The following PALLD variants were observed in gnomAD, a reference collection of about 807,000 sequenced individuals.
The protein encoded by PALLD is palladin, cytoskeletal associated protein.
PALLD carries 61 observed loss-of-function variants against 123.5 expected under a neutral mutation model. The observed-to-expected ratio is 0.49, with a 90% CI of 0.40 to 0.61. PALLD has a LOEUF of 0.61. Ranked by LOEUF, PALLD falls within the 20% of genes least tolerant of loss-of-function variation. The probability of loss-of-function intolerance (pLI) is 0.00; values close to 1 mark genes in which losing one functional copy is unlikely to be tolerated. For missense variants in PALLD, 1,273 were observed against 1,377.0 expected (o/e 0.92, Z 1.20); for synonymous variants, 465 against 496.4 (o/e 0.94, Z 0.84).
intron 10 of PALLD, among the ~76,000 whole-genome samples, chr4:168,772,714 G>A (rs141040861): frequency 1.8e-4 from 28 of 152,246 alleles, no homozygotes; most frequent in Middle Eastern, 3.4e-3. Context: ...AAAAAAACAC[G>A]CATCCCATTC....
chr4:168,551,515 T>C (rs1766722133), intron 2 of PALLD, among the ~76,000 whole-genome samples: 2 of 152,286 alleles, frequency 1.3e-5, no homozygotes, highest in African/African-American at 2.4e-5. Context: ...AATTTCAAAA[T>C]ATAGTAACCA....
intron 2 of PALLD, among the ~76,000 whole-genome samples, chr4:168,600,069 G>GTGTACACACACA (rs1561291249): frequency 2.8e-5 from 4 of 144,516 alleles, no homozygotes; most frequent in East Asian, 2.0e-4. Context: ...ACATACATGT[G>GTGTACACACACA]TATACACACA....
chr4:168,744,924 A>G (rs978842195), intron 10 of PALLD, among the ~76,000 whole-genome samples: 2 of 152,184 alleles, frequency 1.3e-5, no homozygotes, highest in Non-Finnish European at 2.9e-5. Context: ...GGTTAGGCGT[A>G]TTAAATGCAT....
chr4:168,670,808 G>A (rs540131528), intron 3 of PALLD, among the ~76,000 whole-genome samples: 4 of 145,702 alleles, frequency 2.7e-5, no homozygotes, highest in African/African-American at 7.7e-5. Context: ...CAAAAAAGCT[G>A]GGTGCAATGG....
chr4:168,773,786 A>G lies in PALLD; in HGVS notation c.1964+61863A>G, dbSNP rs1460498834. ...TGAGCCCCACCCGGCCTCCCCACCC[A>G]CCTCGCCGCCTGTTCTCTCCCTCAA... On this transcript the variant is annotated intron_variant, in intron 10 of 21. Transcript: ENST00000505667. Among the ~76,000 whole-genome samples, 3 of 151,608 alleles carry G rather than the reference A, an allele frequency of 2.0e-5. No homozygotes were observed. In the East Asian group the frequency reaches 5.8e-4, roughly 29 times the overall value.
At chr4:168,735,735 C>G (rs1007985430) in intron 10 of PALLD, among the ~76,000 whole-genome samples, 1 of 151,794 alleles carries the variant, frequency 6.6e-6, no homozygotes, top group Non-Finnish European at 1.5e-5. Flanking sequence ...CTTGTTCTTT[C>G]TCTTTTCTTC....
At chr4:168,815,402 G>GA (rs1561555012) in intron 10 of PALLD, among the ~76,000 whole-genome samples, 1 of 152,222 alleles carries the variant, frequency 6.6e-6, no homozygotes, top group Non-Finnish European at 1.5e-5. Flanking sequence ...GGAAATAGTT[G>GA]AAAGTATATT....
At chr4:168,504,333 C>T (rs1761762359) in intron 1 of PALLD, among the ~76,000 whole-genome samples, 1 of 152,186 alleles carries the variant, frequency 6.6e-6, no homozygotes. Flanking sequence ...TGGTGGCTCA[C>T]ACCTGTAATC....
At chr4:168,667,312 A>T (rs1779747776) in intron 2 of PALLD, among the ~76,000 whole-genome samples, 1 of 152,212 alleles carries the variant, frequency 6.6e-6, no homozygotes, top group Admixed American at 6.5e-5. Context: ...ATATTTTCCC[A>T]GAGAATTCAA....
chr4:168,763,197 T>C (rs1355995397), intron 10 of PALLD, among the ~76,000 whole-genome samples: 1 of 152,190 alleles, frequency 6.6e-6, no homozygotes, highest in African/African-American at 2.4e-5. Context: ...CTCTACAGAA[T>C]TTGATAAATT....
intron 10 of PALLD, among the ~76,000 whole-genome samples, chr4:168,889,376 C>T (rs934308891): frequency 6.6e-6 from 1 of 151,894 alleles, no homozygotes; most frequent in Non-Finnish European, 1.5e-5. Flanking sequence ...GTTGGCCAAG[C>T]TGGTCTCCAA....
intron 2 of PALLD, among the ~76,000 whole-genome samples, chr4:168,520,195 G>A (rs1341647295): frequency 1.1e-4 from 17 of 151,828 alleles, no homozygotes; most frequent in Admixed American, 1.1e-3. Flanking sequence ...GCGTGGTGGC[G>A]GGTGCCTGTA....
intron 10 of PALLD, among the ~76,000 whole-genome samples, chr4:168,874,924 G>C (rs893078517): frequency 7.9e-5 from 12 of 152,046 alleles, no homozygotes; most frequent in African/African-American, 2.9e-4. Flanking sequence ...GTATGGAGGA[G>C]AGCGGGGAAA....
intron 1 of PALLD, chr4:168,507,258 C>A (rs539703118): frequency 1.2e-5 from 2 of 172,288 alleles, no homozygotes; most frequent in Admixed American, 1.3e-4. Flanking sequence ...AAACCTGTAA[C>A]CCTGCCTCTG....
rs115488616 is a variant in PALLD, at chr4:168,779,903, A to G, written c.1964+67980A>G. On this transcript the variant is annotated intron_variant, in intron 10 of 21. Transcript: ENST00000505667. The stretch of plus-strand genomic sequence containing the variant: ...TTTCTTCATTTCTAATCTACTATAC[A>G]TTCTTTTTTTTTTTTTCTTTTTGAG... 3.9e-3 allele frequency among the ~76,000 whole-genome samples: 565 copies of G among 146,348 alleles called. 1 individual carries two copies. Among genetic ancestry groups the G allele is most frequent in the African/African-American group, 0.014 (544 of 39,840 alleles).
At chr4:168,535,579 T>C (rs1489297220) in intron 2 of PALLD, among the ~76,000 whole-genome samples, 4 of 152,194 alleles carry the variant, frequency 2.6e-5, no homozygotes, top group Non-Finnish European at 1.5e-5. Flanking sequence ...TATACCACTT[T>C]CCAAGAAGAG....
chr4:168,768,769 T>C (rs2150487005), intron 10 of PALLD, among the ~76,000 whole-genome samples: 1 of 152,186 alleles, frequency 6.6e-6, no homozygotes, highest in South Asian at 2.1e-4. Context: ...GCCTCCTGGG[T>C]TCAAGCAATT....
intron 2 of PALLD, among the ~76,000 whole-genome samples, chr4:168,527,143 C>T (rs1764127725): frequency 2.0e-5 from 3 of 152,100 alleles, no homozygotes; most frequent in Admixed American, 2.0e-4. Flanking sequence ...TCCGAGGTGA[C>T]ACGAGTCATT....
Position 168,685,553 on chromosome 4 carries a change from T to A in PALLD, c.1329T>A (p.Phe443Leu), listed in dbSNP as rs1781947426. Reference protein sequence around the residue: ...GTTTAYFPPVFTKELQNTAVA... With the variant: ...GTTTAYFPPVLTKELQNTAVA... Reference sequence around the variant, plus strand: ...CTACTGCCTACTTTCCTCCTGTTTTTACAAAGGTCTGACATCTGGAAGTCT... The same window carrying A: ...CTACTGCCTACTTTCCTCCTGTTTTAACAAAGGTCTGACATCTGGAAGTCT... Residue 443 changes from phenylalanine to leucine, a missense_variant, in exon 6 of 22, where the codon TTT becomes TTA. Transcript: ENST00000505667. 6.2e-7 allele frequency: 1 copy of A among 1,605,676 alleles called. No homozygotes were observed. Among genetic ancestry groups the A allele is most frequent in the Non-Finnish European group, 8.5e-7 (1 of 1,172,404 alleles).
Sources: allele counts gnomAD v4.1 joint callset (sites outside exome capture counted in the v4.1 genomes callset), GRCh38; gene constraint gnomAD v4.1.1; transcripts MANE v1.5; gene names NCBI Gene and HGNC (gene_info 2026-07-23, HGNC 2026-07-21).